DDR2: variants seen among roughly 807,000 people sequenced by gnomAD.
The protein encoded by DDR2 is discoidin domain receptor tyrosine kinase 2.
Under a neutral mutation model 94.9 loss-of-function variants are expected in DDR2, and 27 were observed. The observed-to-expected ratio is 0.28, with a 90% confidence interval of 0.21 to 0.39. The LOEUF (loss-of-function observed/expected upper bound fraction) is 0.39, where lower values mean the gene tolerates loss of function less well. Among genes scored for constraint, DDR2 ranks in the 10% least tolerant of loss-of-function variants. The probability of loss-of-function intolerance (pLI) is 1.00; values close to 1 mark genes in which losing one functional copy is unlikely to be tolerated. For synonymous variants in DDR2, 382 were observed against 377.2 expected (o/e 1.01, Z -0.15); for missense variants, 783 against 1,076.0 (o/e 0.73, Z 3.81).
intron 2 of DDR2, among the ~76,000 whole-genome samples, chr1:162,700,357 T>G (rs975953436): frequency 6.6e-6 from 1 of 152,170 alleles, no homozygotes; most frequent in Non-Finnish European, 1.5e-5. Flanking sequence ...GTGGACCCCA[T>G]GACTATGACC....
In DDR2 at chr1:162,739,549, C is replaced by T. The variant is rs998730064; in HGVS notation, c.83-13546C>T. Among the ~76,000 whole-genome samples the T allele has an allele frequency of 1.1e-4, 17 of 152,224 alleles. No individual in the cohort carries two copies. In the East Asian group the frequency reaches 1.2e-3, roughly 10 times the overall value. On this transcript the variant is annotated intron_variant, in intron 3 of 17. Coordinates refer to ENST00000367921, the MANE Select transcript of DDR2 (RefSeq NM_006182.4). ...CTCAAACTCCTGACCTCAAGTGATC[C>T]GCCCACCTGGGCTGCCCAAAGTGCT...
chr1:162,657,253 C>T (rs1246284315), intron 2 of DDR2, among the ~76,000 whole-genome samples: 1 of 152,164 alleles, frequency 6.6e-6, no homozygotes, highest in Non-Finnish European at 1.5e-5. Flanking sequence ...CCCCCACTGT[C>T]ATATTATCCC....
intron 2 of DDR2, among the ~76,000 whole-genome samples, chr1:162,685,938 G>C (rs538592411): frequency 6.6e-6 from 1 of 152,304 alleles, no homozygotes; most frequent in South Asian, 2.1e-4. Flanking sequence ...CGCACACCAG[G>C]CATTCTATTC....
At chr1:162,659,091 C>T (rs1009404374) in intron 2 of DDR2, among the ~76,000 whole-genome samples, 1 of 151,966 alleles carries the variant, frequency 6.6e-6, no homozygotes, top group African/African-American at 2.4e-5. Context: ...TTATTGAGCA[C>T]CTGTGATGTG....
At chr1:162,641,229 A>G (rs1657114726) in intron 1 of DDR2, among the ~76,000 whole-genome samples, 1 of 152,126 alleles carries the variant, frequency 6.6e-6, no homozygotes, top group African/African-American at 2.4e-5. Flanking sequence ...GCAATATACA[A>G]TTTCTGTATT....
intron 11 of DDR2, among the ~76,000 whole-genome samples, chr1:162,769,453 C>T (rs956750529): frequency 1.3e-5 from 2 of 152,162 alleles, no homozygotes; most frequent in Non-Finnish European, 2.9e-5. Flanking sequence ...ATTTAACCCA[C>T]ATATATTGAG....
intron 3 of DDR2, among the ~76,000 whole-genome samples, chr1:162,752,445 C>G (rs1663259076): frequency 6.6e-6 from 1 of 152,222 alleles, no homozygotes; most frequent in Non-Finnish European, 1.5e-5. Flanking sequence ...TGCTCATTAT[C>G]TTAAAACATA....
In DDR2 at chr1:162,755,749, T is replaced by C. The variant is rs1183792285; in HGVS notation, c.651T>C (p.Tyr217=). The C allele has an allele frequency of 1.2e-6, 2 of 1,614,046 alleles. No homozygotes were observed. The highest frequency in any genetic ancestry group is 1.7e-6 in the Non-Finnish European group (2 of 1,180,008). The change falls in exon 7 of 18, where the codon TAT becomes TAC. Residue 217 remains tyrosine, a synonymous_variant. Transcript: ENST00000367921. The part of the protein sequence containing the change: ...GSIIYLNDSV[Y]DGAVGYSMTE... ...TCATTTATCTGAATGATTCTGTCTA[T>C]GATGGAGCTGTTGGATACAGGTAAA...
chr1:162,677,003 T>C (rs1659161042), intron 2 of DDR2, among the ~76,000 whole-genome samples: 1 of 152,110 alleles, frequency 6.6e-6, no homozygotes, highest in Non-Finnish European at 1.5e-5. Flanking sequence ...AAGGAAACAG[T>C]GTTTCCTCTG....
chr1:162,758,942 G>T (rs1269363067), intron 7 of DDR2, among the ~76,000 whole-genome samples: 1 of 152,108 alleles, frequency 6.6e-6, no homozygotes, highest in Non-Finnish European at 1.5e-5. Context: ...GAAGGAAGGA[G>T]CCTCTTCGTG....
chr1:162,769,884 G>A (rs1664180623), intron 11 of DDR2, among the ~76,000 whole-genome samples: 1 of 152,110 alleles, frequency 6.6e-6, no homozygotes, highest in Non-Finnish European at 1.5e-5. Context: ...TCATGTTATA[G>A]CACATGCATT....
At chr1:162,708,637 G>A (rs191664405) in intron 2 of DDR2, among the ~76,000 whole-genome samples, 4 of 152,302 alleles carry the variant, frequency 2.6e-5, no homozygotes, top group Admixed American at 2.6e-4. Flanking sequence ...TGCTCTGCTG[G>A]TTCATAGGAA....
intron 2 of DDR2, among the ~76,000 whole-genome samples, chr1:162,656,930 C>A (rs1443346486): frequency 2.8e-5 from 4 of 142,040 alleles, no homozygotes; most frequent in Non-Finnish European, 6.0e-5. Context: ...TGGCTCACTG[C>A]AACCTCTGCC....
chr1:162,725,317 C>T (rs1320820231), intron 3 of DDR2, among the ~76,000 whole-genome samples: 1 of 152,084 alleles, frequency 6.6e-6, no homozygotes, highest in Non-Finnish European at 1.5e-5. Context: ...TCTTCTACTT[C>T]TTTTTTCTTT....
intron 3 of DDR2, among the ~76,000 whole-genome samples, chr1:162,737,157 TA>T (rs1662341650): frequency 6.6e-5 from 3 of 45,354 alleles, no homozygotes; most frequent in Non-Finnish European, 2.6e-4. Context: ...TTTTTTGGAA[TA>T]ATTTTTTTTT....
chr1:162,638,277 T>C (rs1180890069), intron 1 of DDR2, among the ~76,000 whole-genome samples: 2 of 152,296 alleles, frequency 1.3e-5, no homozygotes, highest in African/African-American at 4.8e-5. Context: ...TGCCTCGGCC[T>C]CCCAAAGTGT....
intron 2 of DDR2, among the ~76,000 whole-genome samples, chr1:162,694,145 A>G (rs960998474): frequency 6.6e-6 from 1 of 152,078 alleles, no homozygotes; most frequent in Admixed American, 6.5e-5. Context: ...TTTGGGTAAT[A>G]GTTTCTTAAC....
chr1:162,711,271 T>C (rs1482576096), intron 2 of DDR2, among the ~76,000 whole-genome samples: 1 of 152,252 alleles, frequency 6.6e-6, no homozygotes, highest in East Asian at 1.9e-4. Flanking sequence ...TACTTTGTAA[T>C]GGCTACTCAT....
At chr1:162,761,106 A>G in intron 8 of DDR2, 105 bp from the exon 9 acceptor site, 1 of 1,519,690 alleles carries the variant, frequency 6.6e-7, no homozygotes, top group South Asian at 1.2e-5. Flanking sequence ...TCAGTTCAGA[A>G]TAGCTCGAAT....
Sources: allele counts gnomAD v4.1 joint callset (sites outside exome capture counted in the v4.1 genomes callset), GRCh38; gene constraint gnomAD v4.1.1; transcripts MANE v1.5; gene names NCBI Gene and HGNC (gene_info 2026-07-23, HGNC 2026-07-21).